The following PCDH15 variants were observed in gnomAD, a reference collection of about 807,000 sequenced individuals.
The protein encoded by PCDH15 is protocadherin-15.
In PCDH15, 129 loss-of-function variants were observed where a neutral mutation model predicts 178.5. The observed-to-expected ratio is 0.72, with a 90% CI of 0.63 to 0.84. The LOEUF is 0.84. Among genes scored for constraint, PCDH15 ranks in the 40% least tolerant of loss-of-function variants. The pLI is 0.00. For synonymous variants in PCDH15, 800 were observed against 732.0 expected (o/e 1.09, Z -1.50); for missense variants, 2,230 against 2,099.9 (o/e 1.06, Z -1.21).
chr10:54,411,354 CTG>C lies in PCDH15; in HGVS notation c.158-32414_158-32413del, dbSNP rs969216453. 2.2e-4 allele frequency among the ~76,000 whole-genome samples: 33 copies of C among 152,248 alleles called. 1 individual carries two copies. Among genetic ancestry groups the C allele is most frequent in the African/African-American group, 6.5e-4 (27 of 41,562 alleles). ...ATTGAAAGAATTTAAAAAATGACAA[CTG>C]TAGTCTCACTGACTTTTTAAAATAA... On this transcript the variant is annotated intron_variant, in intron 3 of 37. Coordinates refer to ENST00000644397, the MANE Select transcript of PCDH15 (RefSeq NM_001384140.1).
intron 13 of PCDH15, among the ~76,000 whole-genome samples, chr10:54,161,818 T>G (rs946817279): frequency 6.6e-6 from 1 of 152,214 alleles, no homozygotes; most frequent in Middle Eastern, 3.4e-3. Flanking sequence ...GCACAAGTAT[T>G]TTTTCCCTGC....
At chr10:55,337,345 C>T (rs1844422078) in intron 2 of PCDH15, among the ~76,000 whole-genome samples, 1 of 152,152 alleles carries the variant, frequency 6.6e-6, no homozygotes, top group Admixed American at 6.5e-5. Flanking sequence ...TGAGAGGAAT[C>T]ATACCCAGGG....
At chr10:54,807,467 A>G (rs1021194894) in intron 3 of PCDH15, among the ~76,000 whole-genome samples, 1 of 151,930 alleles carries the variant, frequency 6.6e-6, no homozygotes, top group Non-Finnish European at 1.5e-5. Context: ...GTACAACACA[A>G]ACTGTAGGAT....
chr10:54,851,855 C>A (rs1953627696), intron 3 of PCDH15, among the ~76,000 whole-genome samples: 1 of 152,090 alleles, frequency 6.6e-6, no homozygotes, highest in Non-Finnish European at 1.5e-5. Context: ...CAAGTGTGAG[C>A]CACCACGACT....
chr10:54,413,728 C>A (rs1454821446), intron 3 of PCDH15, among the ~76,000 whole-genome samples: 1 of 152,062 alleles, frequency 6.6e-6, no homozygotes, highest in East Asian at 1.9e-4. Flanking sequence ...AGAAATTATT[C>A]CATAGTCTAT....
At chr10:55,190,820 C>T (rs1329553457) in intron 1 of PCDH15, among the ~76,000 whole-genome samples, 6 of 151,560 alleles carry the variant, frequency 4.0e-5, no homozygotes, top group African/African-American at 1.5e-4. Context: ...GTGCACAAAA[C>T]ATAAGATTTG....
intron 29 of PCDH15, among the ~76,000 whole-genome samples, chr10:53,836,860 A>G (rs1358334518): frequency 2.6e-5 from 4 of 152,206 alleles, no homozygotes; most frequent in Non-Finnish European, 4.4e-5. Context: ...TCTGATTAAT[A>G]CATTGCAAAA....
intron 5 of PCDH15, among the ~76,000 whole-genome samples, chr10:54,357,400 T>A (rs1309576205): frequency 1.3e-5 from 2 of 152,094 alleles, no homozygotes; most frequent in East Asian, 1.9e-4. Context: ...TCATGAGTGA[T>A]CTCCCATTCA....
At chr10:54,388,327 C>G (rs181345175) in intron 3 of PCDH15, among the ~76,000 whole-genome samples, 4 of 152,108 alleles carry the variant, frequency 2.6e-5, no homozygotes, top group African/African-American at 9.7e-5. Context: ...GTCCTAGAAC[C>G]CAAATGTCAC....
At chr10:54,833,182 T>C (rs1953254822) in intron 3 of PCDH15, among the ~76,000 whole-genome samples, 1 of 152,142 alleles carries the variant, frequency 6.6e-6, no homozygotes, top group Non-Finnish European at 1.5e-5. Context: ...GAAATAGACT[T>C]TCAAGAAGAG....
chr10:54,640,093 C>A (rs139117237), intron 2 of PCDH15, among the ~76,000 whole-genome samples: 59 of 151,578 alleles, frequency 3.9e-4, no homozygotes, highest in African/African-American at 1.1e-3. Context: ...GACCCTGTCT[C>A]TAAATAAATA....
intron 2 of PCDH15, among the ~76,000 whole-genome samples, chr10:55,361,009 C>T (rs959688407): frequency 2.0e-5 from 3 of 151,888 alleles, no homozygotes; most frequent in African/African-American, 4.8e-5. Context: ...GCAACACGAA[C>T]GAACTGCATT....
intron 2 of PCDH15, among the ~76,000 whole-genome samples, chr10:55,090,568 G>C (rs1332176376): frequency 6.6e-6 from 1 of 151,980 alleles, no homozygotes; most frequent in South Asian, 2.1e-4. Flanking sequence ...TAGGAGACTA[G>C]AACGACTCAC....
At chr10:54,998,233 C>T (rs1345619203) in intron 2 of PCDH15, among the ~76,000 whole-genome samples, 1 of 151,918 alleles carries the variant, frequency 6.6e-6, no homozygotes, top group Non-Finnish European at 1.5e-5. Context: ...TAGAATAAAA[C>T]AGAAATTCCA....
At chr10:54,311,005 A>G (rs1349745043) in intron 8 of PCDH15, among the ~76,000 whole-genome samples, 2 of 152,072 alleles carry the variant, frequency 1.3e-5, no homozygotes, top group Non-Finnish European at 2.9e-5. Flanking sequence ...AATCATCATT[A>G]CTTTTCTGAT....
intron 1 of PCDH15, among the ~76,000 whole-genome samples, chr10:54,783,573 A>G (rs1461861816): frequency 2.6e-5 from 4 of 152,262 alleles, no homozygotes; most frequent in Admixed American, 1.3e-4. Context: ...AAACGTGCTT[A>G]ATAAAGTAAG....
At chr10:54,268,302 AAAACTTT>A (rs2057824401) in intron 8 of PCDH15, among the ~76,000 whole-genome samples, 1 of 152,002 alleles carries the variant, frequency 6.6e-6, no homozygotes, top group African/African-American at 2.4e-5. Context: ...ACTTAAATGT[AAAACTTT>A]AAACTATAAG....
At chr10:54,652,445 A>T (rs1671503222) in intron 2 of PCDH15, among the ~76,000 whole-genome samples, 1 of 152,198 alleles carries the variant, frequency 6.6e-6, no homozygotes, top group South Asian at 2.1e-4. Context: ...AGTATCAAAG[A>T]ACTAAGACTC....
At chr10:54,417,344 A>G (rs777151784) in intron 3 of PCDH15, among the ~76,000 whole-genome samples, 3 of 152,112 alleles carry the variant, frequency 2.0e-5, no homozygotes, top group Non-Finnish European at 2.9e-5. Context: ...CTCACAGAAG[A>G]GGTCTGAGAT....
Sources: allele counts gnomAD v4.1 joint callset (sites outside exome capture counted in the v4.1 genomes callset), GRCh38; gene constraint gnomAD v4.1.1; transcripts MANE v1.5; gene names NCBI Gene and HGNC (gene_info 2026-07-23, HGNC 2026-07-21).